LRFN5: variants seen among roughly 807,000 people sequenced by gnomAD.
The protein encoded by LRFN5 is leucine rich repeat and fibronectin type III domain containing 5, also known as leucine-rich repeat and fibronectin type-III domain-containing protein 5.
A neutral mutation model predicts 45.6 loss-of-function variants in LRFN5; 24 were observed. That is an observed-to-expected ratio of 0.53 (90% CI 0.38 to 0.74). The LOEUF is 0.74. Ranked by LOEUF, LRFN5 falls within the 30% of genes least tolerant of loss-of-function variation. The pLI is 0.00. For synonymous variants in LRFN5, 340 were observed against 313.8 expected (o/e 1.08, Z -0.88); for missense variants, 776 against 861.5 (o/e 0.90, Z 1.24).
At chr14:41,674,310 C>G (rs1318586543) in intron 1 of LRFN5, among the ~76,000 whole-genome samples, 1 of 130,216 alleles carries the variant, frequency 7.7e-6, no homozygotes, top group Non-Finnish European at 1.6e-5. Flanking sequence ...CCGGACGGGG[C>G]GGCTGGCCGG....
At chr14:41,886,572 A>G (rs2139150674) in intron 2 of LRFN5, 34 bp from the exon 3 acceptor site, 1 of 1,342,566 alleles carries the variant, frequency 7.4e-7, no homozygotes. Flanking sequence ...AAATCACTGG[A>G]TGCTAACATT....
intron 2 of LRFN5, among the ~76,000 whole-genome samples, chr14:41,857,142 C>T (rs1889500218): frequency 1.3e-5 from 2 of 151,920 alleles, no homozygotes; most frequent in Admixed American, 1.3e-4. Flanking sequence ...ATCTAAGAAC[C>T]TTATAAGTGT....
intron 1 of LRFN5, among the ~76,000 whole-genome samples, chr14:41,708,979 AT>A (rs5808150): frequency 0.8 from 121,039 of 151,732 alleles, 48,997 homozygotes; most frequent in East Asian, 0.97. Flanking sequence ...TTTGAGCATT[AT>A]TTGAGAGTCA....
chr14:41,736,943 C>A (rs956936485), intron 1 of LRFN5, among the ~76,000 whole-genome samples: 2 of 152,234 alleles, frequency 1.3e-5, no homozygotes, highest in African/African-American at 2.4e-5. Flanking sequence ...TGGTACCATT[C>A]CTTCTGAAAC....
At chr14:41,646,067 A>T (rs2138608187) in intron 1 of LRFN5, among the ~76,000 whole-genome samples, 1 of 152,286 alleles carries the variant, frequency 6.6e-6, no homozygotes, top group Non-Finnish European at 1.5e-5. Flanking sequence ...TAGTGATCAG[A>T]TCAGAGTAAG....
At chr14:41,701,863 A>C (rs1882853083) in intron 1 of LRFN5, among the ~76,000 whole-genome samples, 1 of 152,096 alleles carries the variant, frequency 6.6e-6, no homozygotes. Flanking sequence ...CATTAGCATC[A>C]CCTAGAAGCC....
At chr14:41,854,186 C>G (rs1889372254) in intron 2 of LRFN5, among the ~76,000 whole-genome samples, 1 of 152,104 alleles carries the variant, frequency 6.6e-6, no homozygotes, top group Non-Finnish European at 1.5e-5. Context: ...TCTCATTGTT[C>G]AATTCCCACC....
At chr14:41,632,142 G>T (rs953396760) in intron 1 of LRFN5, among the ~76,000 whole-genome samples, 2 of 151,900 alleles carry the variant, frequency 1.3e-5, no homozygotes, top group African/African-American at 4.8e-5. Context: ...ACGTATAAAG[G>T]GTGAATAAGA....
intron 2 of LRFN5, among the ~76,000 whole-genome samples, chr14:41,769,253 A>G (rs1435754731): frequency 1.3e-5 from 2 of 152,180 alleles, no homozygotes; most frequent in Non-Finnish European, 1.5e-5. Flanking sequence ...TAATGATGCA[A>G]TGGAATATCC....
At chr14:41,720,567 T>A (rs1883674786) in intron 1 of LRFN5, among the ~76,000 whole-genome samples, 1 of 152,158 alleles carries the variant, frequency 6.6e-6, no homozygotes, top group Non-Finnish European at 1.5e-5. Flanking sequence ...TCTCCTATAT[T>A]TTGGTTTGTT....
At chr14:41,864,161 G>T (rs1040911098) in intron 2 of LRFN5, among the ~76,000 whole-genome samples, 1 of 152,176 alleles carries the variant, frequency 6.6e-6, no homozygotes, top group African/African-American at 2.4e-5. Context: ...ATAGTGGAAT[G>T]ATTTATAATC....
intron 3 of LRFN5, among the ~76,000 whole-genome samples, chr14:41,889,058 T>TGTATATATACATGTGTGTATATATAC (rs1890687308): frequency 2.7e-5 from 4 of 147,992 alleles, no homozygotes; most frequent in African/African-American, 7.5e-5. Flanking sequence ...TGTATATATA[T>TGTATATATACATGTGTGTATATATAC]ACACACATAT....
intron 2 of LRFN5, among the ~76,000 whole-genome samples, chr14:41,876,547 T>C (rs1890197617): frequency 6.6e-6 from 1 of 151,860 alleles, no homozygotes; most frequent in African/African-American, 2.4e-5. Context: ...CCACCCGCCT[T>C]GGCCTCCCAA....
At chr14:41,657,317 T>A (rs984322005) in intron 1 of LRFN5, among the ~76,000 whole-genome samples, 5 of 151,956 alleles carry the variant, frequency 3.3e-5, no homozygotes, top group African/African-American at 1.2e-4. Context: ...TACAGGATAA[T>A]TTTAACATCC....
At chr14:41,866,493 C>T (rs1013869015) in intron 2 of LRFN5, among the ~76,000 whole-genome samples, 2 of 152,128 alleles carry the variant, frequency 1.3e-5, no homozygotes, top group African/African-American at 2.4e-5. Context: ...AGTTTCACCC[C>T]GAGTTATGGT....
At chr14:41,723,747 T>C (rs1460128110) in intron 1 of LRFN5, among the ~76,000 whole-genome samples, 1 of 152,054 alleles carries the variant, frequency 6.6e-6, no homozygotes, top group Non-Finnish European at 1.5e-5. Flanking sequence ...TAGCACCTAC[T>C]ACTGAGCCAC....
intron 1 of LRFN5, among the ~76,000 whole-genome samples, chr14:41,691,895 A>G (rs1328713615): frequency 6.6e-6 from 1 of 152,102 alleles, no homozygotes. Flanking sequence ...ATATTAGTGT[A>G]TATATCAGTA....
chr14:41,759,490 C>CACACACAT (rs1555361168), intron 1 of LRFN5, among the ~76,000 whole-genome samples: 1 of 82,290 alleles, frequency 1.2e-5, no homozygotes, highest in East Asian at 1.0e-3. Context: ...CACACACACA[C>CACACACAT]ACACACACAG....
chr14:41,856,275 A>G (rs2139086518), intron 2 of LRFN5, among the ~76,000 whole-genome samples: 1 of 152,338 alleles, frequency 6.6e-6, no homozygotes, highest in Admixed American at 6.5e-5. Flanking sequence ...TAGATACTAA[A>G]TGTGTGATTT....
Sources: allele counts gnomAD v4.1 joint callset (sites outside exome capture counted in the v4.1 genomes callset), GRCh38; gene constraint gnomAD v4.1.1; transcripts MANE v1.5; gene names NCBI Gene and HGNC (gene_info 2026-07-23, HGNC 2026-07-21).